Variants in DZIP1 observed in about 807,000 individuals in gnomAD.
DZIP1 encodes DAZ interacting zinc finger protein 1.
DZIP1 carries 97 observed loss-of-function variants against 107.6 expected under a neutral mutation model. The observed-to-expected ratio is 0.90, with a 90% CI of 0.77 to 1.07. The LOEUF (loss-of-function observed/expected upper bound fraction) is 1.07. Ranked by LOEUF, DZIP1 falls within the 50% of genes least tolerant of loss-of-function variation. DZIP1 has a pLI of 0.00. For synonymous variants in DZIP1, 390 were observed against 386.4 expected (o/e 1.01, Z -0.11); for missense variants, 1,035 against 1,063.6 (o/e 0.97, Z 0.37).
At chr13:95,611,785 G>A (rs1467023861) in intron 11 of DZIP1, among the ~76,000 whole-genome samples, 3 of 152,110 alleles carry the variant, frequency 2.0e-5, no homozygotes, top group Non-Finnish European at 4.4e-5. Context: ...AGTAATTACT[G>A]AAAGAAATTC....
intron 6 of DZIP1, chr13:95,630,628 T>A: frequency 9.9e-7 from 1 of 1,010,378 alleles, no homozygotes. Flanking sequence ...GGCCATAGTC[T>A]ATCAACTGGG....
chr13:95,637,253 A>G (rs891261150), intron 5 of DZIP1: 5 of 152,252 alleles, frequency 3.3e-5, no homozygotes, highest in Non-Finnish European at 7.3e-5. Flanking sequence ...GAATGAGCAC[A>G]TAAATATAAA....
chr13:95,615,163 G>C (rs1874896508), intron 10 of DZIP1, among the ~76,000 whole-genome samples: 1 of 152,096 alleles, frequency 6.6e-6, no homozygotes, highest in South Asian at 2.1e-4. Context: ...ACCAGGAAAG[G>C]CCTCACCTTC....
intron 5 of DZIP1, among the ~76,000 whole-genome samples, chr13:95,640,033 G>A (rs1878310832): frequency 1.4e-5 from 2 of 144,768 alleles, no homozygotes; most frequent in African/African-American, 5.1e-5. Flanking sequence ...TCACTCTGTT[G>A]CCAGGCTGGA....
At chr13:95,612,461 C>T (rs1192148808) in intron 10 of DZIP1, among the ~76,000 whole-genome samples, 6 of 152,290 alleles carry the variant, frequency 3.9e-5, no homozygotes, top group East Asian at 1.9e-4. Context: ...TGATGAGCAA[C>T]GATAAAGGAT....
At chr13:95,609,578 C>T (rs1340067408) in intron 12 of DZIP1, 65 bp from the exon 13 acceptor site, 1 of 1,246,688 alleles carries the variant, frequency 8.0e-7, no homozygotes, top group East Asian at 2.6e-5. Context: ...TTTTGTAGCC[C>T]TTATACTAAT....
chr13:95,601,182 G>A (rs1306393464), intron 14 of DZIP1, among the ~76,000 whole-genome samples: 2 of 152,112 alleles, frequency 1.3e-5, no homozygotes, highest in Non-Finnish European at 2.9e-5. Context: ...GAAGAGTTCT[G>A]GTAGAAGGGG....
Position 95,581,786 on chromosome 13 carries a change from AATTTT to A in DZIP1, c.*443_*447del, listed in dbSNP as rs2044016891. On this transcript the variant is annotated 3_prime_UTR_variant, in exon 23 of 23. Coordinates refer to ENST00000376829, the MANE Select transcript of DZIP1 (RefSeq NM_198968.4). ...TAAGGATTAGTGGTTCCACCAATTC[AATTTT>A]AAGACTACTAACAGAATTTTATAAT... 1 of 152,566 alleles carries A rather than the reference AATTTT, an allele frequency of 6.6e-6. No individual in the cohort carries two copies. The highest frequency in any genetic ancestry group is 2.4e-5 in the African/African-American group (1 of 41,454). The allele number at this position is 152,566 out of a possible 1,614,324, so 9.5% of individuals were successfully genotyped here.
chr13:95,629,627 A>C (rs1434215215), intron 7 of DZIP1, among the ~76,000 whole-genome samples: 1 of 152,112 alleles, frequency 6.6e-6, no homozygotes, highest in South Asian at 2.1e-4. Context: ...CAGCAACCAA[A>C]TAAGCAAGAA....
Position 95,582,149 on chromosome 13 carries a change from G to T in DZIP1, c.*85C>A. ...CTGTGGGAAACACGGTAAGGCAGAA[G>T]CACTAGAATCATGGAGGCAAATTAC... On this transcript the variant is annotated 3_prime_UTR_variant, in exon 23 of 23. Transcript: ENST00000376829. 1.5e-6 allele frequency: 2 copies of T among 1,292,190 alleles called. No individual in the cohort carries two copies. The highest frequency in any genetic ancestry group is 1.1e-6 in the Non-Finnish European group (1 of 890,296). 80.0% of individuals were successfully genotyped at this position (1,292,190 alleles called of 1,614,324 possible). A position where few individuals can be genotyped will look rare whatever the true frequency, so the allele number is the denominator to read the frequency against.
rs866164908 is a variant in DZIP1, at chr13:95,589,867, G to A, written c.1909C>T (p.Pro637Ser). The change falls in exon 18 of 23, where the codon CCT becomes TCT. Residue 637 changes from proline to serine, a missense_variant. Transcript: ENST00000376829. ...CTAATCAGTTGTCTGTTTTTGGAAGGAAGTTGTATCATTTTGGGTACTTCT... is the reference window on the plus strand; with the variant it reads ...CTAATCAGTTGTCTGTTTTTGGAAGAAAGTTGTATCATTTTGGGTACTTCT... Reference protein sequence around the residue: ...TGEVPKMIQLPSKNRQLIRQK... With the variant: ...TGEVPKMIQLSSKNRQLIRQK... 1 of 1,614,162 alleles carries A rather than the reference G, an allele frequency of 6.2e-7. No homozygotes were observed. The highest frequency in any genetic ancestry group is 1.1e-5 in the South Asian group (1 of 91,084).
Position 95,607,675 on chromosome 13 carries a change from G to GA in DZIP1, c.1421-1617dup, listed in dbSNP as rs535153802. Reference sequence around the variant, plus strand: ...TAAATCACTGTCTGACTTTTTACAAGAAAAAAAAAAATACAGAATACTAAC... The same window carrying GA: ...TAAATCACTGTCTGACTTTTTACAAGAAAAAAAAAAAATACAGAATACTAAC... On this transcript the variant is annotated intron_variant, in intron 13 of 22. Coordinates refer to ENST00000376829, the MANE Select transcript of DZIP1 (RefSeq NM_198968.4). Among the ~76,000 whole-genome samples the GA allele has an allele frequency of 9.5e-4, 136 of 143,340 alleles. 1 individual carries two copies. The highest frequency in any genetic ancestry group is 3.6e-3 in the Middle Eastern group (1 of 276). The allele number at this position is 143,340 out of a possible 152,430, so 94.0% of individuals were successfully genotyped here.
At chr13:95,612,260 T>G in intron 10 of DZIP1, 83 bp from the exon 11 acceptor site, 1 of 1,462,798 alleles carries the variant, frequency 6.8e-7, no homozygotes. Flanking sequence ...ATACATGCTC[T>G]GCCTGTTTTG....
At position 95,641,528 on chromosome 13, in the gene DZIP1, G is replaced by T; in HGVS notation, c.364C>A (p.Arg122Ser). 1 of 1,614,002 alleles carries T rather than the reference G, an allele frequency of 6.2e-7. No individual in the cohort carries two copies. Among genetic ancestry groups the T allele is most frequent in the Non-Finnish European group, 8.5e-7 (1 of 1,180,034 alleles). ...TACTCGATGGTGAACTGCGCCAGAC[G>T]GATGAGCTTCAGCAGCACCGGGTCC... ...GVDPVLLKLIRLAQFTIEYLL... is the reference protein window; with the variant it reads ...GVDPVLLKLISLAQFTIEYLL... Residue 122 changes from arginine to serine, a missense_variant, in exon 5 of 23, where the codon CGT (arginine) becomes AGT (serine). Coordinates refer to ENST00000376829, the MANE Select transcript of DZIP1 (RefSeq NM_198968.4). This position sits in a 1 kb window ranked among gnomAD's most constrained non-coding sequence, Gnocchi z 4.3.
In DZIP1 at chr13:95,591,509, C is replaced by A. The variant is rs567573231; in HGVS notation, c.1681-1068G>T. 6.6e-5 allele frequency among the ~76,000 whole-genome samples: 10 copies of A among 152,304 alleles called. No homozygotes were observed. In the South Asian group the frequency reaches 1.2e-3, roughly 19 times the overall value. On this transcript the variant is annotated intron_variant, in intron 16 of 22. Coordinates refer to ENST00000376829, the MANE Select transcript of DZIP1 (RefSeq NM_198968.4). ...CATCCCCCTTGCTTCCCTCAGCCTT[C>A]CCAGTCCCAGGGAGTGGCCATACCA... is the stretch of plus-strand genomic sequence containing the variant.
In DZIP1 at chr13:95,611,442, T is replaced by A. The variant is rs376202660; in HGVS notation, c.1363+3A>T. Reference sequence around the variant, plus strand: ...CGCCAGTACCGGGATCCCATCCACTTACCTTTGGGTTCACTGATACTGTTT... The same window carrying A: ...CGCCAGTACCGGGATCCCATCCACTAACCTTTGGGTTCACTGATACTGTTT... On this transcript the variant is annotated splice_donor_region_variant and intron_variant, in intron 12 of 22. Coordinates refer to ENST00000376829, the MANE Select transcript of DZIP1 (RefSeq NM_198968.4). 2.5e-6 allele frequency: 4 copies of A among 1,613,214 alleles called. No individual in the cohort carries two copies. Among genetic ancestry groups the A allele is most frequent in the Non-Finnish European group, 3.4e-6 (4 of 1,179,306 alleles).
chr13:95,617,799 G>C (rs528754731), intron 10 of DZIP1, among the ~76,000 whole-genome samples: 2 of 152,218 alleles, frequency 1.3e-5, no homozygotes, highest in South Asian at 4.2e-4. Flanking sequence ...GAATTGAGGA[G>C]ACCCACCCTG....
intron 10 of DZIP1, among the ~76,000 whole-genome samples, chr13:95,613,949 C>A (rs1478594173): frequency 6.6e-6 from 1 of 151,808 alleles, no homozygotes; most frequent in Non-Finnish European, 1.5e-5. Flanking sequence ...TGCAGTAAGA[C>A]CCTGTCTCTA....
chr13:95,593,047 T>A (rs562402098), intron 16 of DZIP1, among the ~76,000 whole-genome samples: 1 of 152,322 alleles, frequency 6.6e-6, no homozygotes, highest in East Asian at 1.9e-4. Flanking sequence ...TTATAGATCA[T>A]ACACACACAT....
Sources: allele counts gnomAD v4.1 joint callset (sites outside exome capture counted in the v4.1 genomes callset), GRCh38; gene constraint gnomAD v4.1.1; non-coding constraint Gnocchi (gnomAD v3.1); transcripts MANE v1.5; gene names NCBI Gene and HGNC (gene_info 2026-07-23, HGNC 2026-07-21).